LDLRAD4: variants seen among roughly 807,000 people sequenced by gnomAD.
LDLRAD4 encodes low density lipoprotein receptor class A domain containing 4, also known as low-density lipoprotein receptor class A domain-containing protein 4.
LDLRAD4 carries 5 observed loss-of-function variants against 17.0 expected under a neutral mutation model. The observed-to-expected ratio is 0.29, with a 90% confidence interval of 0.15 to 0.62. LDLRAD4 has a LOEUF of 0.62. LDLRAD4 is among the 20% of genes least tolerant of loss of function. The pLI is 0.84. For synonymous variants in LDLRAD4, 168 were observed against 171.8 expected (o/e 0.98, Z 0.17); for missense variants, 340 against 424.7 (o/e 0.80, Z 1.75).
chr18:13,473,396 A>G (rs1376549537), intron 3 of LDLRAD4, among the ~76,000 whole-genome samples: 1 of 152,036 alleles, frequency 6.6e-6, no homozygotes, highest in Non-Finnish European at 1.5e-5. Context: ...GGGGCTGGGC[A>G]CTGTGGCTCA....
intron 3 of LDLRAD4, among the ~76,000 whole-genome samples, chr18:13,547,168 T>C (rs1366482587): frequency 1.3e-5 from 2 of 152,194 alleles, no homozygotes; most frequent in African/African-American, 4.8e-5. Context: ...TAAGTCATCC[T>C]TTGAGGTAGG....
intron 3 of LDLRAD4, among the ~76,000 whole-genome samples, chr18:13,476,660 A>G (rs2092948187): frequency 6.6e-6 from 1 of 152,088 alleles, no homozygotes; most frequent in Non-Finnish European, 1.5e-5. Flanking sequence ...TCTTGCAAAA[A>G]ATGGGAAGAT....
At chr18:13,252,981 A>C (rs1323091305) in intron 1 of LDLRAD4, among the ~76,000 whole-genome samples, 1 of 152,240 alleles carries the variant, frequency 6.6e-6, no homozygotes, top group Non-Finnish European at 1.5e-5. Context: ...GGCATGAGAC[A>C]GGTGAGTGCT....
At chr18:13,334,030 T>G (rs998148938) in intron 1 of LDLRAD4, among the ~76,000 whole-genome samples, 1 of 152,354 alleles carries the variant, frequency 6.6e-6, no homozygotes, top group Middle Eastern at 3.4e-3. Context: ...TTCCTATCCA[T>G]GGACATGGAC....
chr18:13,464,037 C>T lies in LDLRAD4; in HGVS notation c.181+25653C>T, dbSNP rs563274086. Among the ~76,000 whole-genome samples, 5 of 152,298 alleles carry T rather than the reference C, an allele frequency of 3.3e-5. No homozygotes were observed. In the South Asian group the frequency reaches 8.3e-4, roughly 25 times the overall value. ...TCTCGCTTTCAGCCCCATTTCCCTA[C>T]CTAATGTTAAATATGGCTATTTCTC... On this transcript the variant is annotated intron_variant, in intron 3 of 5. Transcript: ENST00000359446.
At chr18:13,331,310 T>G (rs1477433454) in intron 1 of LDLRAD4, among the ~76,000 whole-genome samples, 1 of 152,206 alleles carries the variant, frequency 6.6e-6, no homozygotes, top group African/African-American at 2.4e-5. Flanking sequence ...ACTACTTGCT[T>G]GGTTGGTGTG....
At chr18:13,359,523 A>G (rs1269237725) in intron 1 of LDLRAD4, among the ~76,000 whole-genome samples, 1 of 152,178 alleles carries the variant, frequency 6.6e-6, no homozygotes, top group Non-Finnish European at 1.5e-5. Context: ...TGGAAAAAAA[A>G]AAGCCATGTT....
At chr18:13,473,665 ATAT>A (rs2092847928) in intron 3 of LDLRAD4, among the ~76,000 whole-genome samples, 1 of 111,928 alleles carries the variant, frequency 8.9e-6, no homozygotes, top group African/African-American at 3.4e-5. Context: ...ATATATATAT[ATAT>A]ATATATATAT....
intron 2 of LDLRAD4, among the ~76,000 whole-genome samples, chr18:13,418,624 G>A (rs2089159136): frequency 6.6e-6 from 1 of 152,196 alleles, no homozygotes; most frequent in Non-Finnish European, 1.5e-5. Flanking sequence ...ATTGCATGTT[G>A]TGACACATAA....
At chr18:13,355,231 A>G (rs962604114) in intron 1 of LDLRAD4, among the ~76,000 whole-genome samples, 1 of 152,184 alleles carries the variant, frequency 6.6e-6, no homozygotes, top group African/African-American at 2.4e-5. Flanking sequence ...CCAAGCTTGG[A>G]GTGAAACTTT....
chr18:13,431,814 C>T (rs1042925767), intron 2 of LDLRAD4, among the ~76,000 whole-genome samples: 7 of 152,208 alleles, frequency 4.6e-5, no homozygotes, highest in African/African-American at 1.7e-4. Flanking sequence ...AGCAGCACCA[C>T]TTAAGATAGG....
intron 1 of LDLRAD4, among the ~76,000 whole-genome samples, chr18:13,364,883 G>C (rs2144717060): frequency 6.6e-6 from 1 of 152,330 alleles, no homozygotes. Context: ...TTCCACTCGT[G>C]TGTTTGAAGT....
chr18:13,474,766 A>G (rs1333722593), intron 3 of LDLRAD4, among the ~76,000 whole-genome samples: 1 of 152,182 alleles, frequency 6.6e-6, no homozygotes, highest in African/African-American at 2.4e-5. Flanking sequence ...AACAAACAAC[A>G]AAAGGTCTTT....
rs959715257 is a variant in LDLRAD4, at chr18:13,575,204, T to C, written c.182-45913T>C. Among the ~76,000 whole-genome samples the C allele has an allele frequency of 2.6e-5, 4 of 152,168 alleles. No homozygotes were observed. In the South Asian group the frequency reaches 6.2e-4, roughly 24 times the overall value. On this transcript the variant is annotated intron_variant, in intron 3 of 5. Transcript: ENST00000359446. ...AGCAGCCTTCACTGTACCCAATATGTAGTCTTTTATCCCTCACTTACCTCC... is the reference window on the plus strand; with the variant it reads ...AGCAGCCTTCACTGTACCCAATATGCAGTCTTTTATCCCTCACTTACCTCC...
chr18:13,476,623 CA>C (rs11388844), intron 3 of LDLRAD4, among the ~76,000 whole-genome samples: 11,973 of 146,238 alleles, frequency 0.082, 569 homozygotes, highest in Non-Finnish European at 0.11. Flanking sequence ...GAACCTGTCT[CA>C]AAAAAAAAAA....
chr18:13,433,362 A>G (rs1386426645), intron 2 of LDLRAD4, among the ~76,000 whole-genome samples: 1 of 152,206 alleles, frequency 6.6e-6, no homozygotes. Flanking sequence ...TGCTATATGA[A>G]TTTTAACAGA....
chr18:13,396,136 C>T (rs1295176357), intron 2 of LDLRAD4, among the ~76,000 whole-genome samples: 1 of 152,134 alleles, frequency 6.6e-6, no homozygotes, highest in African/African-American at 2.4e-5. Context: ...AATAATAGTC[C>T]GTATGGGAGT....
intron 1 of LDLRAD4, chr18:13,382,633 G>A (rs1264153508): frequency 6.6e-6 from 1 of 151,784 alleles, no homozygotes; most frequent in African/African-American, 2.4e-5. Flanking sequence ...GTGTGCGTGT[G>A]TGTGCGTGTG....
intron 1 of LDLRAD4, among the ~76,000 whole-genome samples, chr18:13,355,077 C>T (rs1199832613): frequency 6.6e-6 from 1 of 152,244 alleles, no homozygotes; most frequent in African/African-American, 2.4e-5. Context: ...TGGGCAGATT[C>T]AAGTTGTTGG....
Sources: allele counts gnomAD v4.1 joint callset (sites outside exome capture counted in the v4.1 genomes callset), GRCh38; gene constraint gnomAD v4.1.1; transcripts MANE v1.5; gene names NCBI Gene and HGNC (gene_info 2026-07-23, HGNC 2026-07-21).